The following NXPE2 variants were observed in gnomAD, a reference collection of about 807,000 sequenced individuals.
NXPE2 encodes neurexophilin and PC-esterase domain family member 2.
Under a neutral mutation model 34.4 loss-of-function variants are expected in NXPE2, and 34 were observed. The ratio of observed to expected loss-of-function variants is 0.99; its 90% CI spans 0.75 to 1.31. The LOEUF is 1.31. NXPE2 is among the 40% of genes most tolerant of loss of function. The pLI is 0.00. For missense variants in NXPE2, 649 were observed against 672.5 expected (o/e 0.97, Z 0.39); for synonymous variants, 235 against 231.3 (o/e 1.02, Z -0.15).
At chr11:114,611,871 T>A in the NXPE2 span, among the ~76,000 whole-genome samples, 1 of 151,888 alleles carries the variant, frequency 6.6e-6, no homozygotes, top group East Asian at 1.9e-4. Context: ...ACCTGGTGTA[T>A]GAGAAATATT....
chr11:114,580,825 T>A, the NXPE2 span, among the ~76,000 whole-genome samples: 1 of 152,196 alleles, frequency 6.6e-6, no homozygotes. Flanking sequence ...TCCAAATGAA[T>A]ATAGCTATAG....
chr11:114,464,684 G>A, the NXPE2 span, among the ~76,000 whole-genome samples: 85 of 152,062 alleles, frequency 5.6e-4, no homozygotes, highest in Non-Finnish European at 1.1e-3. Flanking sequence ...GTACACATGA[G>A]CACATAGCAT....
the NXPE2 span, chr11:114,554,236 T>G: frequency 1.0e-6 from 1 of 976,998 alleles, no homozygotes; most frequent in Non-Finnish European, 1.2e-6. Context: ...ACACAACCTT[T>G]CCTGGCCTCT....
At chr11:114,522,783 A>G in the NXPE2 span, 1 of 892,880 alleles carries the variant, frequency 1.1e-6, no homozygotes, top group South Asian at 1.7e-5. Flanking sequence ...CAAATGAAGT[A>G]AAAAACAAAA....
the NXPE2 span, among the ~76,000 whole-genome samples, chr11:114,754,622 C>T: frequency 6.6e-6 from 1 of 152,156 alleles, no homozygotes; most frequent in African/African-American, 2.4e-5. Flanking sequence ...TAGAGAAGGT[C>T]CCACTCAGAG....
At chr11:114,799,537 CAG>C in the NXPE2 span, among the ~76,000 whole-genome samples, 45 of 152,308 alleles carry the variant, frequency 3.0e-4, 2 homozygotes, top group Non-Finnish European at 4.7e-4. Flanking sequence ...AAGGAGGAAA[CAG>C]AGAGATTCCA....
the NXPE2 span, among the ~76,000 whole-genome samples, chr11:114,647,301 G>A: frequency 3.9e-5 from 6 of 152,076 alleles, no homozygotes; most frequent in Non-Finnish European, 5.9e-5. Flanking sequence ...ATTGTACTGT[G>A]CTTATGAGCT....
the NXPE2 span, among the ~76,000 whole-genome samples, chr11:114,528,607 C>T: frequency 7.9e-5 from 12 of 152,224 alleles, no homozygotes; most frequent in East Asian, 1.9e-4. Flanking sequence ...GTGTTGAATC[C>T]GATGTGTTAA....
chr11:114,566,007 G>A, the NXPE2 span, among the ~76,000 whole-genome samples: 1 of 152,148 alleles, frequency 6.6e-6, no homozygotes, highest in Non-Finnish European at 1.5e-5. Flanking sequence ...ATGACTACCT[G>A]TATGAATCTT....
the NXPE2 span, among the ~76,000 whole-genome samples, chr11:114,596,381 GC>G: frequency 6.6e-6 from 1 of 152,178 alleles, no homozygotes; most frequent in East Asian, 1.9e-4. Context: ...GTAGCTGCTG[GC>G]CCTGTGGCTC....
the NXPE2 span, among the ~76,000 whole-genome samples, chr11:114,615,332 G>T: frequency 6.6e-6 from 1 of 151,752 alleles, no homozygotes; most frequent in Admixed American, 6.6e-5. Context: ...ACCATTACCC[G>T]CCGGATACTA....
At chr11:114,650,723 G>A in the NXPE2 span, among the ~76,000 whole-genome samples, 2 of 152,134 alleles carry the variant, frequency 1.3e-5, no homozygotes, top group Non-Finnish European at 1.5e-5. Flanking sequence ...TCCCACCCAA[G>A]ACCAACCATG....
the NXPE2 span, among the ~76,000 whole-genome samples, chr11:114,739,426 C>T: frequency 5.0e-5 from 7 of 139,984 alleles, no homozygotes; most frequent in Admixed American, 1.5e-4. Context: ...CTTCTTCCCT[C>T]GTTCTTTTCT....
the NXPE2 span, among the ~76,000 whole-genome samples, chr11:114,798,682 G>A: frequency 2.0e-5 from 3 of 152,264 alleles, no homozygotes; most frequent in Non-Finnish European, 2.9e-5. Context: ...GCACCCGGCC[G>A]GGACTCTTTC....
the NXPE2 span, among the ~76,000 whole-genome samples, chr11:114,619,766 T>A: frequency 6.6e-6 from 1 of 152,264 alleles, no homozygotes; most frequent in African/African-American, 2.4e-5. Flanking sequence ...GTAACCACTG[T>A]TACCAGGTGG....
the NXPE2 span, among the ~76,000 whole-genome samples, chr11:114,812,165 C>G: frequency 1.3e-5 from 2 of 152,246 alleles, no homozygotes; most frequent in Admixed American, 6.5e-5. Context: ...AAGATTAGTC[C>G]TAGCGCCTGG....
chr11:114,658,843 A>G, the NXPE2 span, among the ~76,000 whole-genome samples: 1 of 152,188 alleles, frequency 6.6e-6, no homozygotes, highest in Non-Finnish European at 1.5e-5. Context: ...GAGGCTGATC[A>G]CCAACAAAAG....
At chr11:114,537,130 G>A in the NXPE2 span, among the ~76,000 whole-genome samples, 1 of 152,016 alleles carries the variant, frequency 6.6e-6, no homozygotes, top group African/African-American at 2.4e-5. Flanking sequence ...TTCAACATAT[G>A]CAAATCAATA....
the NXPE2 span, chr11:114,580,287 A>G: frequency 6.2e-7 from 1 of 1,614,026 alleles, no homozygotes; most frequent in Non-Finnish European, 8.5e-7. Flanking sequence ...CCCACTGGGG[A>G]TTGTGGATGT....
Sources: gnomAD v4.1 joint callset for allele counts (sites outside exome capture counted in the v4.1 genomes callset) on GRCh38, gnomAD v4.1.1 for gene constraint, MANE v1.5 for transcripts, NCBI Gene and HGNC (gene_info 2026-07-23, HGNC 2026-07-21) for gene names.